Variants in LRRC4C observed in about 807,000 individuals in gnomAD.
The protein encoded by LRRC4C is leucine rich repeat containing 4C.
Under a neutral mutation model 33.6 loss-of-function variants are expected in LRRC4C, and 5 were observed. That is an observed-to-expected ratio of 0.15 (90% CI 0.08 to 0.31). The LOEUF is 0.31. Ranked by LOEUF, LRRC4C falls within the 10% of genes least tolerant of loss-of-function variation. LRRC4C has a pLI of 1.00. For synonymous variants in LRRC4C, 329 were observed against 302.0 expected (o/e 1.09, Z -0.93); for missense variants, 560 against 796.7 (o/e 0.70, Z 3.58).
At position 41,010,453 on chromosome 11, in the gene LRRC4C, C is replaced by T. The variant is rs185057387; in HGVS notation, c.-495-76730G>A. Among the ~76,000 whole-genome samples, 250 of 152,196 alleles carry T rather than the reference C, an allele frequency of 1.6e-3. 2 individuals are homozygous for T. The highest frequency in any genetic ancestry group is 5.9e-3 in the African/African-American group (246 of 41,530). ...TGAAAATATACCAGGCATTCAAATG[C>T]TGAACTGAGAATACTTTTATACACA... On this transcript the variant is annotated intron_variant, in intron 1 of 6. Coordinates refer to ENST00000528697, the MANE Select transcript of LRRC4C (RefSeq NM_001258419.2).
At chr11:40,942,277 T>C (rs113198451) in intron 1 of LRRC4C, among the ~76,000 whole-genome samples, 2 of 152,142 alleles carry the variant, frequency 1.3e-5, no homozygotes, top group African/African-American at 2.4e-5. Flanking sequence ...AAAAGACCCA[T>C]TGGATCTTAA....
intron 2 of LRRC4C, among the ~76,000 whole-genome samples, chr11:40,658,729 T>C (rs1235476304): frequency 6.6e-6 from 1 of 152,160 alleles, no homozygotes; most frequent in Admixed American, 6.6e-5. Flanking sequence ...AAAATCTGCT[T>C]AAGCAATTCT....
chr11:41,405,755 G>T (rs187553560), intron 1 of LRRC4C, among the ~76,000 whole-genome samples: 5 of 152,144 alleles, frequency 3.3e-5, no homozygotes, highest in Admixed American at 1.3e-4. Context: ...TAGGGGCAGG[G>T]GATGGGGAAG....
intron 3 of LRRC4C, among the ~76,000 whole-genome samples, chr11:40,560,470 TA>T (rs1957506635): frequency 6.9e-6 from 1 of 145,392 alleles, no homozygotes; most frequent in Non-Finnish European, 1.5e-5. Flanking sequence ...GTGTGTGTGT[TA>T]TCTGTATTCT....
chr11:40,280,419 C>A (rs1943395718), intron 4 of LRRC4C, among the ~76,000 whole-genome samples: 1 of 152,302 alleles, frequency 6.6e-6, no homozygotes, highest in African/African-American at 2.4e-5. Context: ...ATTAAGCAGG[C>A]AAAGATTTCT....
chr11:41,295,006 T>C (rs914866166), intron 1 of LRRC4C, among the ~76,000 whole-genome samples: 3 of 152,186 alleles, frequency 2.0e-5, no homozygotes, highest in African/African-American at 7.2e-5. Flanking sequence ...GATAGTACAC[T>C]TACACACGGT....
chr11:41,278,305 AACTTTG>A (rs1237118301), intron 1 of LRRC4C, among the ~76,000 whole-genome samples: 1 of 152,170 alleles, frequency 6.6e-6, no homozygotes, highest in Non-Finnish European at 1.5e-5. Context: ...GGATCTTGGA[AACTTTG>A]ACTTTAAGTG....
chr11:40,645,290 A>G (rs1384237925), intron 3 of LRRC4C, among the ~76,000 whole-genome samples: 1 of 152,122 alleles, frequency 6.6e-6, no homozygotes, highest in East Asian at 1.9e-4. Flanking sequence ...TCTTTTGAAA[A>G]TTTAAACACA....
intron 1 of LRRC4C, among the ~76,000 whole-genome samples, chr11:41,062,469 A>C (rs1937856585): frequency 6.6e-6 from 1 of 152,230 alleles, no homozygotes; most frequent in Non-Finnish European, 1.5e-5. Context: ...ATTTTAATGC[A>C]GATGCACTCT....
At position 40,935,132 on chromosome 11, in the gene LRRC4C, T is replaced by G. The variant is rs575410188; in HGVS notation, c.-495-1409A>C. Among the ~76,000 whole-genome samples, 18 of 152,264 alleles carry G rather than the reference T, an allele frequency of 1.2e-4. No homozygotes were observed. The South Asian group carries it at 3.5e-3, about 30-fold the overall frequency. ...CATGAGGGTGGGGATTTCCATTAGT[T>G]TTTTTCACTGCTGCACTCCTTGTTT... On this transcript the variant is annotated intron_variant, in intron 1 of 6. Transcript: ENST00000528697.
intron 3 of LRRC4C, among the ~76,000 whole-genome samples, chr11:40,552,167 T>C (rs1006487788): frequency 6.6e-6 from 1 of 152,232 alleles, no homozygotes; most frequent in African/African-American, 2.4e-5. Flanking sequence ...TTAAAATGAC[T>C]ATCTGTCTTT....
At chr11:40,229,990 A>C (rs1413238140) in intron 5 of LRRC4C, among the ~76,000 whole-genome samples, 1 of 152,228 alleles carries the variant, frequency 6.6e-6, no homozygotes, top group Non-Finnish European at 1.5e-5. Flanking sequence ...AATCTCAGTG[A>C]ATAACATACT....
At chr11:40,542,790 C>T (rs543283456) in intron 3 of LRRC4C, among the ~76,000 whole-genome samples, 2 of 152,228 alleles carry the variant, frequency 1.3e-5, no homozygotes, top group South Asian at 4.1e-4. Flanking sequence ...CACATTCTGG[C>T]TTTCTCTCTC....
intron 1 of LRRC4C, among the ~76,000 whole-genome samples, chr11:41,249,326 G>C (rs943184385): frequency 1.3e-5 from 2 of 152,018 alleles, no homozygotes; most frequent in African/African-American, 4.8e-5. Context: ...GAGCCACCGC[G>C]CCCGGCCAAG....
At chr11:41,315,573 C>G (rs935090247) in intron 1 of LRRC4C, among the ~76,000 whole-genome samples, 3 of 152,110 alleles carry the variant, frequency 2.0e-5, no homozygotes, top group Non-Finnish European at 4.4e-5. Flanking sequence ...TTCTCCAACC[C>G]CAGTCAAATG....
At chr11:40,761,592 A>G in intron 2 of LRRC4C, among the ~76,000 whole-genome samples, 1 of 152,200 alleles carries the variant, frequency 6.6e-6, no homozygotes, top group Non-Finnish European at 1.5e-5. Flanking sequence ...GCTTTTTCAG[A>G]CACTGCTGAA....
At chr11:40,433,138 ACTTT>A (rs1433050835) in intron 3 of LRRC4C, among the ~76,000 whole-genome samples, 2 of 152,172 alleles carry the variant, frequency 1.3e-5, no homozygotes, top group African/African-American at 2.4e-5. Context: ...TATTTTTGTA[ACTTT>A]CTTTTTCACC....
chr11:41,131,626 C>T (rs557014040), intron 1 of LRRC4C, among the ~76,000 whole-genome samples: 87 of 152,110 alleles, frequency 5.7e-4, no homozygotes, highest in African/African-American at 2.0e-3. Flanking sequence ...AAGGCTGAGA[C>T]CTACAGGGCT....
At chr11:40,516,411 A>G (rs544129247) in intron 3 of LRRC4C, among the ~76,000 whole-genome samples, 1 of 152,228 alleles carries the variant, frequency 6.6e-6, no homozygotes, top group African/African-American at 2.4e-5. Context: ...TGTATGAACA[A>G]GATTGCTAAA....
Sources: gnomAD v4.1 joint callset for allele counts (sites outside exome capture counted in the v4.1 genomes callset) on GRCh38, gnomAD v4.1.1 for gene constraint, MANE v1.5 for transcripts, NCBI Gene and HGNC (gene_info 2026-07-23, HGNC 2026-07-21) for gene names.